SLC66A2: variants seen among roughly 807,000 people sequenced by gnomAD.
SLC66A2 encodes the protein PQ loop repeat containing 1.
Under a neutral mutation model 25.5 loss-of-function variants are expected in SLC66A2, and 23 were observed. The ratio of observed to expected loss-of-function variants is 0.90; its 90% CI spans 0.65 to 1.28. SLC66A2 has a LOEUF of 1.28. Ranked by LOEUF, SLC66A2 falls within the 50% of genes most tolerant of loss-of-function variation. SLC66A2 has a pLI of 0.00. For missense variants in SLC66A2, 396 were observed against 373.1 expected (o/e 1.06, Z -0.51); for synonymous variants, 193 against 166.5 (o/e 1.16, Z -1.23).
chr18:79,933,449 G>A (rs1458753192), intron 4 of SLC66A2, among the ~76,000 whole-genome samples: 1 of 152,128 alleles, frequency 6.6e-6, no homozygotes, highest in Non-Finnish European at 1.5e-5. Context: ...AACTACATTG[G>A]TAAGGAAGAA....
At chr18:79,922,350 G>C (rs529224631) in intron 4 of SLC66A2, among the ~76,000 whole-genome samples, 3 of 152,054 alleles carry the variant, frequency 2.0e-5, no homozygotes, top group Admixed American at 1.3e-4. Context: ...GTAGAGTGCA[G>C]GGAGTGCCCT....
rs946386974 is a variant in SLC66A2 at position 79,937,985 on chromosome 18, C to G, written c.338-3963G>C. On this transcript the variant is annotated intron_variant, in intron 3 of 5. Coordinates refer to ENST00000397778, the MANE Select transcript of SLC66A2 (RefSeq NM_025078.5). This position sits in a 1 kb window ranked among gnomAD's most constrained non-coding sequence, Gnocchi z 5.4. ...CCCACGGATTTTTAAACAACAAAAT[C>G]GTATATACTGCCAGACACAGGGGCT... Among the ~76,000 whole-genome samples, 5 of 151,908 alleles carry G rather than the reference C, an allele frequency of 3.3e-5. No homozygotes were observed. Among genetic ancestry groups the G allele is most frequent in the African/African-American group, 1.2e-4 (5 of 41,352 alleles).
At chr18:79,935,919 C>A (rs1173499594) in intron 3 of SLC66A2, among the ~76,000 whole-genome samples, 1 of 152,202 alleles carries the variant, frequency 6.6e-6, no homozygotes, top group Non-Finnish European at 1.5e-5. Context: ...CAAGCTCTGC[C>A]CAAAATGCAC....
chr18:79,943,720 G>A (rs1987919861), intron 2 of SLC66A2: 2 of 435,050 alleles, frequency 4.6e-6, no homozygotes, highest in South Asian at 3.2e-5. Flanking sequence ...CCTGCAGCAG[G>A]AAAGATCCTG....
At chr18:79,912,184 C>T (rs867497530) in intron 5 of SLC66A2, among the ~76,000 whole-genome samples, 6 of 151,804 alleles carry the variant, frequency 4.0e-5, no homozygotes, top group African/African-American at 1.2e-4. Context: ...AGGGAGGGGA[C>T]GGAAAACAGG....
At chr18:79,944,995 C>T (rs1027243076) in intron 2 of SLC66A2, 3 of 154,326 alleles carry the variant, frequency 1.9e-5, no homozygotes, top group Middle Eastern at 3.3e-3. Flanking sequence ...ACCCCCTTAT[C>T]AACAGAACAG....
At chr18:79,951,203 C>G (rs2051112968) in intron 1 of SLC66A2, among the ~76,000 whole-genome samples, 178 bp from the exon 2 acceptor site, 2 of 151,750 alleles carry the variant, frequency 1.3e-5, no homozygotes, top group African/African-American at 4.8e-5. Context: ...TCCCGAGACG[C>G]TCCCGGAGGG....
intron 3 of SLC66A2, among the ~76,000 whole-genome samples, chr18:79,942,690 TCAAACA>T (rs1315441586): frequency 2.6e-4 from 39 of 152,322 alleles, no homozygotes; most frequent in Admixed American, 2.2e-3. Context: ...GCCTGCATGT[TCAAACA>T]GAGTTCAGAC....
intron 5 of SLC66A2, among the ~76,000 whole-genome samples, chr18:79,909,600 C>A (rs1350629722): frequency 2.2e-5 from 2 of 90,416 alleles, no homozygotes; most frequent in African/African-American, 7.3e-5. Flanking sequence ...CAGTCTCCAA[C>A]CTTCCCCAGC....
intron 4 of SLC66A2, chr18:79,930,367 T>C (rs957371530): frequency 2.0e-5 from 3 of 152,080 alleles, no homozygotes; most frequent in Non-Finnish European, 2.9e-5. Context: ...AAACTTTTTT[T>C]AAAAAATAAG....
chr18:79,943,316 G>GCCGGCCACCAACCTGT lies in SLC66A2; in HGVS notation c.334_337+12dup. ...ATTCCCTGCGACTTTATTCCGAAGCGCCGGCCACCAACCTGTAAAGGAGCG... is the reference window on the plus strand; with the variant it reads ...ATTCCCTGCGACTTTATTCCGAAGCGCCGGCCACCAACCTGTCCGGCCACCAACCTGTAAAGGAGCG... On this transcript the variant is annotated intron_variant, in intron 3 of 5. Coordinates refer to ENST00000397778, the MANE Select transcript of SLC66A2 (RefSeq NM_025078.5). 6.2e-7 allele frequency: 1 copy of GCCGGCCACCAACCTGT among 1,612,860 alleles called. No homozygotes were observed. The highest frequency in any genetic ancestry group is 8.5e-7 in the Non-Finnish European group (1 of 1,179,352).
At chr18:79,948,257 G>C (rs1333716595) in intron 2 of SLC66A2, among the ~76,000 whole-genome samples, 2 of 152,242 alleles carry the variant, frequency 1.3e-5, no homozygotes, top group African/African-American at 4.8e-5. Context: ...CTCTACGTCA[G>C]TGCCAGTTAG....
chr18:79,948,998 A>C (rs2051025291), intron 2 of SLC66A2, among the ~76,000 whole-genome samples: 1 of 152,208 alleles, frequency 6.6e-6, no homozygotes, highest in African/African-American at 2.4e-5. Context: ...AGAAAGAAGG[A>C]GTCTCCAAAA....
rs575880648 is a variant in SLC66A2, at chr18:79,918,920, G to A, written c.608+264C>T. On this transcript the variant is annotated intron_variant, in intron 5 of 5. Transcript: ENST00000397778. This position sits in a 1 kb window ranked among gnomAD's most constrained non-coding sequence, Gnocchi z 4.0. ...ACTCGGACATCCCTCCCACTGGAAGGTTCCGTCTCAACGGCCCTGAAGGAG... is the reference window on the plus strand; with the variant it reads ...ACTCGGACATCCCTCCCACTGGAAGATTCCGTCTCAACGGCCCTGAAGGAG... Among the ~76,000 whole-genome samples the A allele has an allele frequency of 3.9e-5, 6 of 152,214 alleles. No individual in the cohort carries two copies. Among genetic ancestry groups the A allele is most frequent in the Admixed American group, 3.9e-4 (6 of 15,284 alleles).
chr18:79,939,255 T>C (rs910512314), intron 3 of SLC66A2, among the ~76,000 whole-genome samples: 36 of 152,316 alleles, frequency 2.4e-4, no homozygotes, highest in South Asian at 6.2e-4. Context: ...AAACGTTTCC[T>C]CATAAGTTAT....
chr18:79,938,461 A>G (rs1203071019), intron 3 of SLC66A2, among the ~76,000 whole-genome samples: 2 of 152,172 alleles, frequency 1.3e-5, no homozygotes, highest in Non-Finnish European at 2.9e-5. Context: ...ATCTCCCTCC[A>G]GTGAGGGGCT....
At chr18:79,908,066 CCAGA>C (rs1262764735) in intron 5 of SLC66A2, among the ~76,000 whole-genome samples, 5 of 152,062 alleles carry the variant, frequency 3.3e-5, no homozygotes, top group South Asian at 2.1e-4. Context: ...AAAAACCCCA[CCAGA>C]CAATGTTATA....
chr18:79,932,475 A>AAAAGAAAG (rs34267076), intron 4 of SLC66A2, among the ~76,000 whole-genome samples: 57 of 151,720 alleles, frequency 3.8e-4, no homozygotes, highest in South Asian at 1.0e-3. Flanking sequence ...TTGTGTTAAA[A>AAAAGAAAG]AAAGAAAGAA....
In SLC66A2 at chr18:79,902,852, T is replaced by A. The variant is rs1320015425; in HGVS notation, c.*1124A>T. 1.3e-5 allele frequency: 2 copies of A among 152,670 alleles called. No individual in the cohort carries two copies. The highest frequency in any genetic ancestry group is 4.8e-5 in the African/African-American group (2 of 41,364). 9.5% of individuals were successfully genotyped at this position (152,670 alleles called of 1,614,324 possible). A position where few individuals can be genotyped will look rare whatever the true frequency, so the allele number is the denominator to read the frequency against. On this transcript the variant is annotated 3_prime_UTR_variant, in exon 6 of 6. Coordinates refer to ENST00000397778, the MANE Select transcript of SLC66A2 (RefSeq NM_025078.5). Reference sequence around the variant, plus strand: ...CTTGCAACGGGGTGGGGGCAGAGCGTGCGGTGACAAGGGTCAGACTGGCGG... The same window carrying A: ...CTTGCAACGGGGTGGGGGCAGAGCGAGCGGTGACAAGGGTCAGACTGGCGG...
Sources: gnomAD v4.1 joint callset for allele counts (sites outside exome capture counted in the v4.1 genomes callset) on GRCh38, gnomAD v4.1.1 for gene constraint, Gnocchi (gnomAD v3.1) non-coding constraint, MANE v1.5 for transcripts, NCBI Gene and HGNC (gene_info 2026-07-23, HGNC 2026-07-21) for gene names.